Variants in RTL4 observed in about 807,000 individuals in gnomAD.
RTL4 encodes the protein retrotransposon Gag like 4.
RTL4 carries 4 observed loss-of-function variants against 5.3 expected under a neutral mutation model. The ratio of observed to expected loss-of-function variants is 0.75; its 90% CI spans 0.37 to 1.72. The LOEUF (loss-of-function observed/expected upper bound fraction) is 1.72. Among genes scored for constraint, RTL4 ranks in the 40% most tolerant of loss-of-function variants. The probability of loss-of-function intolerance (pLI) is 0.04; values close to 1 mark genes in which losing one functional copy is unlikely to be tolerated. For synonymous variants in RTL4, 98 were observed against 87.3 expected, an observed-to-expected ratio of 1.12 and a Z score of -0.68; for missense variants, 260 against 227.1, an observed-to-expected ratio of 1.14 and a Z score of -0.93.
chrX:112,112,164 G>A, the RTL4 span, among the ~76,000 whole-genome samples: 1 of 112,046 alleles, frequency 8.9e-6, no homozygotes. Flanking sequence ...CCTTACTTAG[G>A]TATGCCACTG....
the RTL4 span, among the ~76,000 whole-genome samples, chrX:112,276,547 G>A: frequency 7.2e-5 from 8 of 111,745 alleles, no homozygotes; most frequent in Non-Finnish European, 1.9e-5. Context: ...TTTGACCTCA[G>A]AACCTGTTTT....
chrX:112,252,367 G>A, the RTL4 span, among the ~76,000 whole-genome samples: 6 of 112,055 alleles, frequency 5.4e-5, no homozygotes, highest in Non-Finnish European at 5.6e-5. Context: ...ATGCCAGGTT[G>A]ATTACTGAAA....
At chrX:112,177,830 A>C in the RTL4 span, among the ~76,000 whole-genome samples, 1 of 111,230 alleles carries the variant, frequency 9.0e-6, no homozygotes, top group African/African-American at 3.3e-5. Flanking sequence ...AAAGAGCCAG[A>C]TGGTAAATAT....
chrX:112,124,662 C>T, the RTL4 span, among the ~76,000 whole-genome samples: 1 of 94,107 alleles, frequency 1.1e-5, no homozygotes, highest in Non-Finnish European at 2.1e-5. Context: ...CAACTCACAC[C>T]GGGCCGGTTG....
exon 1 of RTL4, chrX:112,455,401 C>A: frequency 8.3e-7 from 1 of 1,211,396 alleles, no homozygotes; most frequent in Non-Finnish European, 1.1e-6. Context: ...CAGGCCAGAG[C>A]TCCTACAGTC....
the RTL4 span, among the ~76,000 whole-genome samples, chrX:112,160,367 A>G: frequency 2.7e-4 from 30 of 112,191 alleles, no homozygotes; most frequent in East Asian, 7.9e-3. Context: ...CAAGTAACTT[A>G]ATAGTGTACC....
chrX:112,171,178 A>G, the RTL4 span, among the ~76,000 whole-genome samples: 4 of 111,681 alleles, frequency 3.6e-5, no homozygotes, highest in Non-Finnish European at 7.5e-5. Context: ...TTTTGCATCA[A>G]TGTTCATCAG....
the RTL4 span, among the ~76,000 whole-genome samples, chrX:112,132,584 G>A: frequency 2.7e-5 from 3 of 111,938 alleles, no homozygotes; most frequent in African/African-American, 9.8e-5. Flanking sequence ...AAGTCCTGAG[G>A]TTTGCACCTG....
chrX:112,225,096 A>C, the RTL4 span, among the ~76,000 whole-genome samples: 1 of 112,126 alleles, frequency 8.9e-6, no homozygotes, highest in Non-Finnish European at 1.9e-5. Flanking sequence ...ATCTTGCCTG[A>C]GGTCACAATA....
chrX:112,455,758 C>G, exon 1 of RTL4: 1 of 827,084 alleles, frequency 1.2e-6, no homozygotes, highest in Non-Finnish European at 1.7e-6. Flanking sequence ...AACTGTGACA[C>G]CACTTTATAG....
At chrX:112,169,052 CT>C in the RTL4 span, among the ~76,000 whole-genome samples, 13 of 25,274 alleles carry the variant, frequency 5.1e-4, no homozygotes, top group Non-Finnish European at 8.8e-4. Context: ...TTCTTTCTTT[CT>C]TTCTTTCTTT....
the RTL4 span, among the ~76,000 whole-genome samples, chrX:112,309,881 TAC>T: frequency 1.7e-4 from 18 of 104,022 alleles, no homozygotes; most frequent in East Asian, 3.1e-4. Flanking sequence ...TACATATATA[TAC>T]ACACACACAC....
the RTL4 span, among the ~76,000 whole-genome samples, chrX:112,243,600 A>G: frequency 2.7e-5 from 3 of 111,007 alleles, no homozygotes; most frequent in African/African-American, 9.8e-5. Context: ...CTTCTTTATT[A>G]GTCTTGCTAA....
the RTL4 span, among the ~76,000 whole-genome samples, chrX:112,228,140 C>G: frequency 1.1e-4 from 12 of 111,328 alleles, no homozygotes; most frequent in African/African-American, 3.9e-4. Context: ...TGCTCAGTCC[C>G]CCTACCTGTG....
the RTL4 span, among the ~76,000 whole-genome samples, chrX:112,084,472 G>C: frequency 2.7e-5 from 3 of 109,908 alleles, no homozygotes; most frequent in South Asian, 1.2e-3. Context: ...AAATACTTCA[G>C]GAAGTGTTTC....
chrX:112,365,334 G>T, the RTL4 span, among the ~76,000 whole-genome samples: 3 of 110,990 alleles, frequency 2.7e-5, no homozygotes, highest in African/African-American at 9.8e-5. Flanking sequence ...ATACGCAGGG[G>T]CCAGATCATG....
chrX:112,319,578 CTGCCA>C, the RTL4 span, among the ~76,000 whole-genome samples: 1 of 111,675 alleles, frequency 9.0e-6, no homozygotes, highest in East Asian at 2.8e-4. Flanking sequence ...ACCCAGATAA[CTGCCA>C]CCGTAATTAA....
At chrX:112,419,594 T>TA in the RTL4 span, among the ~76,000 whole-genome samples, 2,743 of 47,238 alleles carry the variant, frequency 0.058, 228 homozygotes, top group Middle Eastern at 0.11. Context: ...TATATATATA[T>TA]TTTTACATAT....
chrX:112,091,599 A>G, the RTL4 span, among the ~76,000 whole-genome samples: 9 of 111,785 alleles, frequency 8.1e-5, no homozygotes, highest in Non-Finnish European at 1.3e-4. Context: ...TCATGGTCAG[A>G]TAGGATACTT....
Sources: allele counts gnomAD v4.1 joint callset (sites outside exome capture counted in the v4.1 genomes callset), GRCh38; gene constraint gnomAD v4.1.1; transcripts MANE v1.5; gene names NCBI Gene and HGNC (gene_info 2026-07-23, HGNC 2026-07-21).